The following ARHGEF10L variants were observed in gnomAD, a reference collection of about 807,000 sequenced individuals.
ARHGEF10L encodes rho guanine nucleotide exchange factor 10-like protein.
In ARHGEF10L, 69 loss-of-function variants were observed where a neutral mutation model predicts 141.2. The ratio of observed to expected loss-of-function variants is 0.49; its 90% CI spans 0.40 to 0.60. The LOEUF (loss-of-function observed/expected upper bound fraction) is 0.60. ARHGEF10L is among the 20% of genes least tolerant of loss of function. The pLI, the probability that ARHGEF10L is intolerant of heterozygous loss-of-function variation, is 0.00. For synonymous variants in ARHGEF10L, 711 were observed against 718.5 expected (o/e 0.99, Z 0.17); for missense variants, 1,482 against 1,734.3 (o/e 0.85, Z 2.58).
In ARHGEF10L at chr1:17,615,401, TCCATGGATCC is replaced by T. The variant is rs1260320031; in HGVS notation, c.727-690_727-681del. ...TTCTGCTTAGCTTGCTACGCTCGTG[TCCATGGATCC>T]CCTCCCCACTGCCAGAGGAAGCTGC... On this transcript the variant is annotated intron_variant, in intron 8 of 28. Coordinates refer to ENST00000361221, the MANE Select transcript of ARHGEF10L (RefSeq NM_018125.4). This position sits in a 1 kb window ranked among gnomAD's most constrained non-coding sequence, Gnocchi z 4.7. 6.6e-6 allele frequency: 1 copy of T among 152,212 alleles called. No individual in the cohort carries two copies. The highest frequency in any genetic ancestry group is 1.9e-4 in the East Asian group (1 of 5,182). 9.4% of individuals were successfully genotyped at this position (152,212 alleles called of 1,614,324 possible). A position where few individuals can be genotyped will look rare whatever the true frequency, so the allele number is the denominator to read the frequency against.
intron 1 of ARHGEF10L, among the ~76,000 whole-genome samples, chr1:17,570,632 G>A (rs1186100424): frequency 6.6e-6 from 1 of 152,120 alleles, no homozygotes; most frequent in African/African-American, 2.4e-5. Flanking sequence ...TCCAGGCTCT[G>A]AGCGGAGGAT....
At chr1:17,606,263 C>A (rs1421041620) in intron 6 of ARHGEF10L, among the ~76,000 whole-genome samples, 1 of 152,082 alleles carries the variant, frequency 6.6e-6, no homozygotes, top group Non-Finnish European at 1.5e-5. Flanking sequence ...TCAGCACAGT[C>A]GTTTCTGAGC....
chr1:17,652,490 G>A (rs568091139), intron 22 of ARHGEF10L, among the ~76,000 whole-genome samples: 1 of 152,276 alleles, frequency 6.6e-6, no homozygotes, highest in African/African-American at 2.4e-5. Flanking sequence ...ATATGATTTG[G>A]GTCAAGTGCT....
At chr1:17,609,716 G>C (rs530911449) in intron 7 of ARHGEF10L, among the ~76,000 whole-genome samples, 15 of 152,284 alleles carry the variant, frequency 9.9e-5, no homozygotes, top group Middle Eastern at 3.4e-3. Context: ...AGACCAATCA[G>C]AGACGCCTCT....
At chr1:17,632,133 G>A (rs561689169) in intron 15 of ARHGEF10L, among the ~76,000 whole-genome samples, 188 bp from the exon 16 acceptor site, 3 of 152,306 alleles carry the variant, frequency 2.0e-5, no homozygotes, top group Non-Finnish European at 2.9e-5. Flanking sequence ...AGGAGGCCCC[G>A]ATGTGTGGTC....
At chr1:17,687,549 G>A (rs745549449) in intron 26 of ARHGEF10L, 24 bp from the exon 27 acceptor site, 36 of 1,611,492 alleles carry the variant, frequency 2.2e-5, no homozygotes, top group East Asian at 8.9e-5. Context: ...AGCCAGTATC[G>A]ACACTCCTCC....
upstream of ARHGEF10L, among the ~76,000 whole-genome samples, chr1:17,539,347 GGGA>G (rs539333571): frequency 1.4e-4 from 22 of 152,340 alleles, 1 homozygote; most frequent in South Asian, 4.1e-3. This position sits in a 1 kb window ranked among gnomAD's most constrained non-coding sequence, Gnocchi z 6.0. Flanking sequence ...GTTGAAGTGG[GGGA>G]GGAGAAGCCA....
At chr1:17,535,491 G>A (rs1013388545), upstream of ARHGEF10L, among the ~76,000 whole-genome samples, 1 of 152,186 alleles carries the variant, frequency 6.6e-6, no homozygotes, top group African/African-American at 2.4e-5. Context: ...AGCGGCGGGG[G>A]CCCTGGGTCC....
At chr1:17,669,200 C>T (rs2063167565) in intron 26 of ARHGEF10L, among the ~76,000 whole-genome samples, 1 of 152,202 alleles carries the variant, frequency 6.6e-6, no homozygotes, top group Non-Finnish European at 1.5e-5. Flanking sequence ...CCGTTCAATG[C>T]TCCAAGCCAG....
In ARHGEF10L at chr1:17,697,488, C is replaced by A; in HGVS notation, c.*108C>A. 1 of 1,347,688 alleles carries A rather than the reference C, an allele frequency of 7.4e-7. No individual in the cohort carries two copies. Among genetic ancestry groups the A allele is most frequent in the Non-Finnish European group, 9.8e-7 (1 of 1,019,028 alleles). 83.5% of individuals were successfully genotyped at this position (1,347,688 alleles called of 1,614,324 possible). ...GACTTGTGGATGGGCCTGGACTCTC[C>A]AGAAACTACTTGGGCAGAGCAAAGG... is the stretch of plus-strand genomic sequence containing the variant. On this transcript the variant is annotated 3_prime_UTR_variant, in exon 29 of 29. Coordinates refer to ENST00000361221, the MANE Select transcript of ARHGEF10L (RefSeq NM_018125.4). The surrounding 1 kb of genome is among the most constrained non-coding windows in gnomAD (Gnocchi z 4.8).
At chr1:17,562,728 G>T (rs75056438) in intron 1 of ARHGEF10L, among the ~76,000 whole-genome samples, 3,940 of 152,312 alleles carry the variant, frequency 0.026, 169 homozygotes, top group African/African-American at 0.088. Flanking sequence ...AGCTGAGGCT[G>T]CCATGTTCCC....
At chr1:17,587,873 G>T (rs945655514) in intron 3 of ARHGEF10L, among the ~76,000 whole-genome samples, 1 of 152,230 alleles carries the variant, frequency 6.6e-6, no homozygotes, top group Non-Finnish European at 1.5e-5. Context: ...AATGGAAGTG[G>T]TTGGCCTGAG....
intron 26 of ARHGEF10L, among the ~76,000 whole-genome samples, chr1:17,668,755 T>C (rs1484969418): frequency 6.6e-6 from 1 of 152,206 alleles, no homozygotes; most frequent in Non-Finnish European, 1.5e-5. Flanking sequence ...GCAGCTTGCC[T>C]TCAGTACACA....
Position 17,654,701 on chromosome 1 carries a change from C to T in ARHGEF10L, c.2460C>T (p.Ser820=). Residue 820 remains serine, a synonymous_variant, in exon 23 of 29, where the codon TCC becomes TCT. Coordinates refer to ENST00000361221, the MANE Select transcript of ARHGEF10L (RefSeq NM_018125.4). This position sits in a 1 kb window ranked among gnomAD's most constrained non-coding sequence, Gnocchi z 4.3. ...TGGGTTTCTCAGCAGTCAGCACCTC[C>T]CTTCCACAGGGCTACCTCTGGGTGA... The part of the protein sequence containing the change: ...PLLGFSAVST[S]LPQGYLWVGG... 1 of 1,614,170 alleles carries T rather than the reference C, an allele frequency of 6.2e-7. No homozygotes were observed. The highest frequency in any genetic ancestry group is 8.5e-7 in the Non-Finnish European group (1 of 1,180,022).
chr1:17,609,769 A>G (rs916087199), intron 7 of ARHGEF10L, among the ~76,000 whole-genome samples: 2 of 152,188 alleles, frequency 1.3e-5, no homozygotes, highest in Non-Finnish European at 2.9e-5. Context: ...TAGAGGAGAC[A>G]GGACAGGTGA....
intron 1 of ARHGEF10L, among the ~76,000 whole-genome samples, chr1:17,549,286 G>A (rs1197364211): frequency 2.6e-5 from 4 of 152,164 alleles, no homozygotes; most frequent in Non-Finnish European, 4.4e-5. Flanking sequence ...GCCTCCCAAA[G>A]TGCTGGGATT....
intron 26 of ARHGEF10L, among the ~76,000 whole-genome samples, chr1:17,671,105 G>A (rs978493320): frequency 3.3e-5 from 5 of 152,282 alleles, no homozygotes; most frequent in Non-Finnish European, 5.9e-5. Flanking sequence ...TAACCAGTGA[G>A]TCCCAGGGCC....
chr1:17,541,687 G>A (rs567646216), intron 1 of ARHGEF10L, among the ~76,000 whole-genome samples: 10 of 152,264 alleles, frequency 6.6e-5, no homozygotes, highest in African/African-American at 2.4e-4. Context: ...AAAAATTATG[G>A]CCAGGCTCAG....
In ARHGEF10L at chr1:17,580,621, A is replaced by G. The variant is rs1002857643; in HGVS notation, c.26A>G (p.Gln9Arg). The change falls in exon 2 of 29, where the codon CAG (glutamine) becomes CGG (arginine). Residue 9 changes from glutamine (Q) to arginine (R), a missense_variant. This residue lies in a region of ARHGEF10L where 232 missense variants were observed against 225.9 expected (regional missense o/e 1.03). Transcript: ENST00000361221. The stretch of plus-strand genomic sequence containing the variant: ...ATGGCTTCCTCCAACCCTCCTCCAC[A>G]GCCTGCCATAGGTACCGTACCCAGG... The part of the protein sequence containing the change: MASSNPPP[Q>R]PAIGDQLVPG... 1.5e-5 allele frequency: 24 copies of G among 1,614,046 alleles called. No individual in the cohort carries two copies. The African/African-American group carries it at 2.8e-4, about 19-fold the overall frequency.
Sources: gnomAD v4.1 joint callset for allele counts (sites outside exome capture counted in the v4.1 genomes callset) on GRCh38, gnomAD v4.1.1 for gene constraint, gnomAD v4.1.1 regional missense constraint, Gnocchi (gnomAD v3.1) non-coding constraint, MANE v1.5 for transcripts, NCBI Gene and HGNC (gene_info 2026-07-23, HGNC 2026-07-21) for gene names.